WWOX: variants seen among roughly 807,000 people sequenced by gnomAD.
WWOX encodes WW domain-containing oxidoreductase.
In WWOX, 69 loss-of-function variants were observed where a neutral mutation model predicts 46.2. The observed-to-expected ratio is 1.49, with a 90% CI of 1.23 to 1.82. The LOEUF is 1.82. Ranked by LOEUF, WWOX falls within the 40% of genes most tolerant of loss-of-function variation. The probability of loss-of-function intolerance (pLI) is 0.00; values close to 1 mark genes in which losing one functional copy is unlikely to be tolerated. For synonymous variants in WWOX, 359 were observed against 202.6 expected, an observed-to-expected ratio of 1.77 and a Z score of -6.56; for missense variants, 919 against 542.6, an observed-to-expected ratio of 1.69 and a Z score of -6.89.
chr16:78,426,029 G>C (rs1411369942), intron 7 of WWOX, among the ~76,000 whole-genome samples: 1 of 152,070 alleles, frequency 6.6e-6, no homozygotes, highest in African/African-American at 2.4e-5. Flanking sequence ...CCAAACACAG[G>C]GGCTTATGGT....
In WWOX at chr16:78,927,918, C is replaced by G. The variant is rs939846617; in HGVS notation, c.1057-283690C>G. On this transcript the variant is annotated intron_variant, in intron 8 of 8. Transcript: ENST00000566780. ...GACACTTACATATTCCTAGCCATTC[C>G]TTTTGCTTAAGTTTGCAGAGATTTG... Among the ~76,000 whole-genome samples the G allele has an allele frequency of 2.6e-5, 4 of 152,156 alleles. No individual in the cohort carries two copies. In the East Asian group the frequency reaches 7.7e-4, roughly 29 times the overall value.
At chr16:78,229,290 A>C (rs1322976744) in intron 5 of WWOX, among the ~76,000 whole-genome samples, 1 of 151,296 alleles carries the variant, frequency 6.6e-6, no homozygotes, top group Non-Finnish European at 1.5e-5. Context: ...AAAAAGAATA[A>C]AAAGAGCCAG....
At position 78,825,632 on chromosome 16, in the gene WWOX, C is replaced by T. The variant is rs529334442; in HGVS notation, c.1057-385976C>T. 2.2e-4 allele frequency: 112 copies of T among 514,352 alleles called. 1 individual carries two copies. Among genetic ancestry groups the T allele is most frequent in the South Asian group, 1.3e-3 (81 of 63,614 alleles). The allele number at this position is 514,352 out of a possible 1,614,324, so 31.9% of individuals were successfully genotyped here. On this transcript the variant is annotated intron_variant, in intron 8 of 8. Coordinates refer to ENST00000566780, the MANE Select transcript of WWOX (RefSeq NM_016373.4). The stretch of plus-strand genomic sequence containing the variant: ...GAGGGCTTACTGTGCGGAGGGCCTG[C>T]GATGGTGGGCTGTGGTTCATCATGA...
chr16:78,839,443 C>G (rs952799641), intron 8 of WWOX, among the ~76,000 whole-genome samples: 9 of 152,110 alleles, frequency 5.9e-5, no homozygotes, highest in East Asian at 1.9e-4. Context: ...AACAAGATCC[C>G]CTTTCTAGGA....
At chr16:78,746,981 G>A (rs1048340517) in intron 8 of WWOX, among the ~76,000 whole-genome samples, 1 of 151,870 alleles carries the variant, frequency 6.6e-6, no homozygotes, top group African/African-American at 2.4e-5. Flanking sequence ...TCTTTTCCAG[G>A]GTCTACATGT....
intron 6 of WWOX, among the ~76,000 whole-genome samples, chr16:78,418,547 C>A (rs1004394281): frequency 1.3e-5 from 2 of 152,014 alleles, no homozygotes; most frequent in African/African-American, 4.8e-5. Flanking sequence ...AGAGATGCAA[C>A]AATTTTGTAC....
chr16:78,801,793 AT>A (rs937208803), intron 8 of WWOX, among the ~76,000 whole-genome samples: 8 of 152,028 alleles, frequency 5.3e-5, no homozygotes, highest in South Asian at 4.2e-4. Context: ...GGGACATTTC[AT>A]TTTTTTTAGG....
chr16:78,385,672 A>G (rs2082046321), intron 5 of WWOX, among the ~76,000 whole-genome samples: 1 of 152,210 alleles, frequency 6.6e-6, no homozygotes, highest in Non-Finnish European at 1.5e-5. Flanking sequence ...CTTAGGGTAG[A>G]GGATGTTCTC....
At position 78,207,564 on chromosome 16, in the gene WWOX, C is replaced by T. The variant is rs560480102; in HGVS notation, c.516+43275C>T. 4.7e-5 allele frequency among the ~76,000 whole-genome samples: 7 copies of T among 149,880 alleles called. No homozygotes were observed. In the South Asian group the frequency reaches 1.5e-3, roughly 32 times the overall value. ...AAGTAGCTTCTCATTTTAATTTTCA[C>T]TCCTTTAATTGAGAAGCAGAACGTA... On this transcript the variant is annotated intron_variant, in intron 5 of 8. Coordinates refer to ENST00000566780, the MANE Select transcript of WWOX (RefSeq NM_016373.4).
At chr16:78,366,661 T>G (rs536144680) in intron 5 of WWOX, among the ~76,000 whole-genome samples, 10 of 152,346 alleles carry the variant, frequency 6.6e-5, no homozygotes, top group African/African-American at 2.4e-4. Context: ...GTTGCCACTT[T>G]TGCTTTCATG....
chr16:78,655,919 T>A (rs1316348512), intron 8 of WWOX, among the ~76,000 whole-genome samples: 2 of 152,162 alleles, frequency 1.3e-5, no homozygotes, highest in African/African-American at 4.8e-5. Context: ...CGAGCGTGGT[T>A]ATCTTTGTGC....
intron 8 of WWOX, among the ~76,000 whole-genome samples, chr16:78,589,788 GC>G (rs1351495345): frequency 1.3e-5 from 2 of 152,092 alleles, no homozygotes; most frequent in Admixed American, 1.3e-4. Context: ...CTCTCTGCTG[GC>G]TTTTTCCCCC....
chr16:78,528,729 T>G (rs893980828), intron 8 of WWOX, among the ~76,000 whole-genome samples: 18 of 152,078 alleles, frequency 1.2e-4, no homozygotes, highest in African/African-American at 4.3e-4. Context: ...ATTTGGCCGG[T>G]GAAAATGAAC....
chr16:78,381,672 T>C (rs969922643), intron 5 of WWOX, among the ~76,000 whole-genome samples: 3 of 152,214 alleles, frequency 2.0e-5, no homozygotes, highest in African/African-American at 7.2e-5. Context: ...AGGAAAATTT[T>C]GAGAGCCATT....
chr16:78,436,376 C>T (rs76745910), intron 8 of WWOX, among the ~76,000 whole-genome samples: 1,779 of 152,190 alleles, frequency 0.012, 32 homozygotes, highest in African/African-American at 0.041. Context: ...TGTGAGGAAG[C>T]CGTAGGGTGT....
intron 5 of WWOX, among the ~76,000 whole-genome samples, chr16:78,287,802 T>A (rs67003685): frequency 0.22 from 33,678 of 151,950 alleles, 3,997 homozygotes; most frequent in East Asian, 0.39. Flanking sequence ...CTTAAAAAAA[T>A]TTTTTTAAGA....
intron 8 of WWOX, among the ~76,000 whole-genome samples, chr16:78,617,159 C>G (rs1354106548): frequency 6.6e-6 from 1 of 152,134 alleles, no homozygotes; most frequent in East Asian, 1.9e-4. Context: ...CGCCTGTAAT[C>G]CCAGCACTTT....
At chr16:78,124,153 T>G (rs2033253567) in intron 4 of WWOX, 1 of 150,882 alleles carries the variant, frequency 6.6e-6, no homozygotes, top group African/African-American at 2.5e-5. Context: ...TATGCTATAT[T>G]ATATACTTTT....
At chr16:78,873,796 A>C (rs1043637991) in intron 8 of WWOX, among the ~76,000 whole-genome samples, 2 of 152,120 alleles carry the variant, frequency 1.3e-5, no homozygotes, top group Non-Finnish European at 2.9e-5. Flanking sequence ...CAAAAAGTAA[A>C]TAAAATAGTA....
Sources: gnomAD v4.1 joint callset for allele counts (sites outside exome capture counted in the v4.1 genomes callset) on GRCh38, gnomAD v4.1.1 for gene constraint, MANE v1.5 for transcripts, NCBI Gene and HGNC (gene_info 2026-07-23, HGNC 2026-07-21) for gene names.